CNBD1: variants seen among roughly 807,000 people sequenced by gnomAD.
CNBD1 encodes cyclic nucleotide-binding domain-containing protein 1.
In CNBD1, 71 loss-of-function variants were observed where a neutral mutation model predicts 54.4. That is an observed-to-expected ratio of 1.30 (90% CI 1.08 to 1.59). The LOEUF is 1.59. Among genes scored for constraint, CNBD1 ranks in the 40% most tolerant of loss-of-function variants. CNBD1 has a pLI of 0.00. For missense variants in CNBD1, 659 were observed against 518.0 expected, an observed-to-expected ratio of 1.27 and a Z score of -2.64; for synonymous variants, 182 against 170.7, an observed-to-expected ratio of 1.07 and a Z score of -0.51.
intron 4 of CNBD1, among the ~76,000 whole-genome samples, chr8:87,040,140 ATTTG>A (rs964595399): frequency 6.6e-6 from 1 of 152,224 alleles, no homozygotes; most frequent in Non-Finnish European, 1.5e-5. Context: ...CTTGTGGGTA[ATTTG>A]TTTGTTCTAC....
At chr8:87,293,537 C>T (rs1239642696) in intron 8 of CNBD1, among the ~76,000 whole-genome samples, 1 of 152,092 alleles carries the variant, frequency 6.6e-6, no homozygotes, top group Admixed American at 6.6e-5. Flanking sequence ...AGCAAGACTC[C>T]ATCTCAAAAA....
downstream of CNBD1, among the ~76,000 whole-genome samples, chr8:87,385,135 G>C (rs1174394374): frequency 6.6e-6 from 1 of 152,018 alleles, no homozygotes; most frequent in Non-Finnish European, 1.5e-5. Flanking sequence ...GATAATGATG[G>C]GGGTGGAGCC....
chr8:87,309,605 A>G (rs1257183800), intron 8 of CNBD1, among the ~76,000 whole-genome samples: 1 of 152,152 alleles, frequency 6.6e-6, no homozygotes, highest in Non-Finnish European at 1.5e-5. Context: ...AGACTTCCAT[A>G]AACAAAACTC....
At position 87,316,880 on chromosome 8, in the gene CNBD1, A is replaced by G. The variant is rs182631748; in HGVS notation, c.1042+30209A>G. ...TACAAGTATTAATCGATATGAATTT[A>G]TTATTATATAAATATTCATTATATA... On this transcript the variant is annotated intron_variant, in intron 8 of 10. Transcript: ENST00000518476. 2.8e-3 allele frequency among the ~76,000 whole-genome samples: 429 copies of G among 151,450 alleles called. 1 individual carries two copies. The highest frequency in any genetic ancestry group is 9.9e-3 in the African/African-American group (409 of 41,116).
chr8:87,137,048 T>TTA (rs199711478), intron 4 of CNBD1, among the ~76,000 whole-genome samples: 905 of 42,936 alleles, frequency 0.021, 123 homozygotes, highest in African/African-American at 0.12. Context: ...TCTATGTAAA[T>TTA]TATATATATT....
intron 4 of CNBD1, among the ~76,000 whole-genome samples, chr8:87,096,867 T>C (rs1350377348): frequency 6.6e-6 from 1 of 152,024 alleles, no homozygotes; most frequent in Non-Finnish European, 1.5e-5. Context: ...ATGGTAATAT[T>C]AGCAGATTAA....
At chr8:86,888,764 C>T (rs1008057698) in intron 2 of CNBD1, among the ~76,000 whole-genome samples, 1 of 152,156 alleles carries the variant, frequency 6.6e-6, no homozygotes, top group Non-Finnish European at 1.5e-5. Context: ...TTTTCTAATG[C>T]ATGAGATGCT....
chr8:87,226,699 G>GA (rs1814505472), intron 5 of CNBD1, among the ~76,000 whole-genome samples: 1 of 151,880 alleles, frequency 6.6e-6, no homozygotes, highest in Admixed American at 6.6e-5. Context: ...GTGTGGTGCT[G>GA]AAAAAAATGT....
At chr8:87,335,680 A>C (rs1809931128) in intron 8 of CNBD1, among the ~76,000 whole-genome samples, 2 of 152,120 alleles carry the variant, frequency 1.3e-5, no homozygotes, top group African/African-American at 2.4e-5. Flanking sequence ...TGTGTCTTTT[A>C]ATTGGGCCAT....
chr8:87,041,484 C>A (rs527640490), intron 4 of CNBD1, among the ~76,000 whole-genome samples: 59 of 152,034 alleles, frequency 3.9e-4, no homozygotes, highest in Non-Finnish European at 7.5e-4. Context: ...TGATTGGGGG[C>A]AGATTATTTG....
rs546072474 is a variant in CNBD1, at chr8:87,045,497, G to A, written c.431+105743G>A. Among the ~76,000 whole-genome samples, 150 of 152,062 alleles carry A rather than the reference G, an allele frequency of 9.9e-4. 3 individuals carry two copies. The South Asian group carries it at 0.029, about 29-fold the overall frequency. ...ACACAGGTCTTTGGGAGGCGGAGGC[G>A]GGCGGATCACGAGGTCAGGAGATCA... On this transcript the variant is annotated intron_variant, in intron 4 of 10. Coordinates refer to ENST00000518476, the MANE Select transcript of CNBD1 (RefSeq NM_173538.3).
intron 2 of CNBD1, among the ~76,000 whole-genome samples, chr8:86,898,005 A>T (rs1808874294): frequency 6.6e-6 from 1 of 152,214 alleles, no homozygotes; most frequent in Non-Finnish European, 1.5e-5. Context: ...AGTATGGCAT[A>T]TTAATACCAT....
chr8:87,399,509 C>G (rs778139994), intron 2 of CNBD1, among the ~76,000 whole-genome samples: 5 of 151,988 alleles, frequency 3.3e-5, no homozygotes, highest in Non-Finnish European at 5.9e-5. Context: ...TACTAGATTT[C>G]AAATCTGGGC....
rs1182979774 is a variant in CNBD1 at position 87,339,312 on chromosome 8, G to T, written c.1043-12373G>T. 2.6e-5 allele frequency among the ~76,000 whole-genome samples: 4 copies of T among 151,302 alleles called. No homozygotes were observed. The South Asian group carries it at 8.4e-4, about 32-fold the overall frequency. ...AATGGGTTCTCCCTGGAGTTTTTGT[G>T]TCTCAGGCTTGCCCACACCAAGCTC... is the stretch of plus-strand genomic sequence containing the variant. On this transcript the variant is annotated intron_variant, in intron 8 of 10. Coordinates refer to ENST00000518476, the MANE Select transcript of CNBD1 (RefSeq NM_173538.3).
chr8:86,927,128 T>A (rs1271067400), intron 3 of CNBD1, among the ~76,000 whole-genome samples: 3 of 152,136 alleles, frequency 2.0e-5, no homozygotes, highest in Non-Finnish European at 4.4e-5. Context: ...GAGTTTGTTG[T>A]TTTCATTTTC....
chr8:87,427,449 A>T (rs1390440024), intron 2 of CNBD1, among the ~76,000 whole-genome samples: 1 of 152,120 alleles, frequency 6.6e-6, no homozygotes, highest in Non-Finnish European at 1.5e-5. Flanking sequence ...CTGGCTTAAA[A>T]CTGACATATT....
chr8:87,343,064 C>T (rs2130920962), intron 8 of CNBD1, among the ~76,000 whole-genome samples: 1 of 152,242 alleles, frequency 6.6e-6, no homozygotes, highest in Middle Eastern at 3.4e-3. Context: ...CATTCCTTCC[C>T]CAGGGTTATT....
intron 2 of CNBD1, among the ~76,000 whole-genome samples, chr8:87,414,554 G>A (rs963447008): frequency 3.3e-5 from 5 of 151,594 alleles, no homozygotes; most frequent in African/African-American, 9.7e-5. Flanking sequence ...ATATGTACTG[G>A]ATATATGTGG....
At chr8:87,344,758 C>T (rs113043279) in intron 8 of CNBD1, among the ~76,000 whole-genome samples, 2,842 of 152,176 alleles carry the variant, frequency 0.019, 90 homozygotes, top group African/African-American at 0.062. Flanking sequence ...GAATGCGTTG[C>T]ATGGTACCAT....
Sources: allele counts gnomAD v4.1 joint callset (sites outside exome capture counted in the v4.1 genomes callset), GRCh38; gene constraint gnomAD v4.1.1; transcripts MANE v1.5; gene names NCBI Gene and HGNC (gene_info 2026-07-23, HGNC 2026-07-21).